NKAIN3: variants seen among roughly 807,000 people sequenced by gnomAD.
NKAIN3 encodes sodium/potassium-transporting ATPase subunit beta-1-interacting protein 3.
A neutral mutation model predicts 30.2 loss-of-function variants in NKAIN3; 25 were observed. The observed-to-expected ratio is 0.83, with a 90% CI of 0.60 to 1.16. NKAIN3 has a LOEUF of 1.16. NKAIN3 is among the 50% of genes most tolerant of loss of function. The pLI is 0.00. For synonymous variants in NKAIN3, 91 were observed against 89.6 expected, an observed-to-expected ratio of 1.02 and a Z score of -0.09; for missense variants, 225 against 254.1, an observed-to-expected ratio of 0.89 and a Z score of 0.78.
chr8:62,376,881 C>A (rs1817100521), intron 1 of NKAIN3, among the ~76,000 whole-genome samples: 1 of 151,834 alleles, frequency 6.6e-6, no homozygotes, highest in African/African-American at 2.4e-5. Context: ...TAGAATCAAC[C>A]CTCCATGGAA....
rs1814480597 is a variant in NKAIN3 at position 62,312,609 on chromosome 8, G to T, written c.54+63482G>T. 2.0e-5 allele frequency among the ~76,000 whole-genome samples: 3 copies of T among 150,990 alleles called. No homozygotes were observed. In the South Asian group the frequency reaches 6.2e-4, roughly 31 times the overall value. ...GAGTCAGGAAGATCTCTTGAGCCCA[G>T]GAGTTTGAGACCAGCGTGGGCAACA... is the stretch of plus-strand genomic sequence containing the variant. On this transcript the variant is annotated intron_variant, in intron 1 of 6. Coordinates refer to ENST00000623646, the MANE Select transcript of NKAIN3 (RefSeq NM_001304533.3).
In NKAIN3 at chr8:62,965,737, A is replaced by G. The variant is rs376642930; in HGVS notation, c.*330A>G. 1 of 984,838 alleles carries G rather than the reference A, an allele frequency of 1.0e-6. No homozygotes were observed. Among genetic ancestry groups the G allele is most frequent in the African/African-American group, 1.7e-5 (1 of 57,230 alleles). 61.0% of individuals were successfully genotyped at this position (984,838 alleles called of 1,614,324 possible). ...AAAACCTTCTACAGTCAATTCTAAG[A>G]GAAATCTCAGTGTGTGCTGTGGAGA... On this transcript the variant is annotated 3_prime_UTR_variant, in exon 7 of 7. Transcript: ENST00000623646.
Position 62,900,492 on chromosome 8 carries a change from C to T in NKAIN3, c.472-17961C>T, listed in dbSNP as rs891859783. The stretch of plus-strand genomic sequence containing the variant: ...AGCAGAGAGGTTAACATCATGGGCT[C>T]CAAAGCCAGAGTGTCCCTACCTAAG... On this transcript the variant is annotated intron_variant, in intron 4 of 6. Transcript: ENST00000623646. Among the ~76,000 whole-genome samples the T allele has an allele frequency of 2.0e-5, 3 of 152,134 alleles. No individual in the cohort carries two copies. The South Asian group carries it at 6.2e-4, about 32-fold the overall frequency.
rs1807289006 is a variant in NKAIN3 at position 62,497,805 on chromosome 8, G to A, written c.55-81734G>A. Reference sequence around the variant, plus strand: ...GTCACTCTCTGGGTTCTAAGCCACAGGGAATTAAGTTTATAAATTTCTGCA... The same window carrying A: ...GTCACTCTCTGGGTTCTAAGCCACAAGGAATTAAGTTTATAAATTTCTGCA... On this transcript the variant is annotated intron_variant, in intron 1 of 6. Transcript: ENST00000623646. Among the ~76,000 whole-genome samples, 3 of 152,038 alleles carry A rather than the reference G, an allele frequency of 2.0e-5. No individual in the cohort carries two copies. In the South Asian group the frequency reaches 6.2e-4, roughly 31 times the overall value.
chr8:62,760,162 T>A (rs1816601879), intron 4 of NKAIN3, among the ~76,000 whole-genome samples: 1 of 152,136 alleles, frequency 6.6e-6, no homozygotes, highest in Non-Finnish European at 1.5e-5. Flanking sequence ...ATAGGAACAC[T>A]TTTACACTGT....
At chr8:62,756,152 A>T (rs1425792615) in intron 4 of NKAIN3, among the ~76,000 whole-genome samples, 2 of 152,188 alleles carry the variant, frequency 1.3e-5, no homozygotes, top group African/African-American at 4.8e-5. Context: ...CTTTCAGTCT[A>T]CTCACAGATA....
At chr8:62,835,597 A>G (rs566276152) in intron 4 of NKAIN3, among the ~76,000 whole-genome samples, 53 of 152,236 alleles carry the variant, frequency 3.5e-4, no homozygotes, top group African/African-American at 1.2e-3. Flanking sequence ...AAATTGCTCA[A>G]TATCATTATT....
At chr8:62,655,210 C>T (rs1812731425) in intron 3 of NKAIN3, among the ~76,000 whole-genome samples, 1 of 152,188 alleles carries the variant, frequency 6.6e-6, no homozygotes, top group African/African-American at 2.4e-5. Flanking sequence ...AGAGGTTCCA[C>T]TCCCTTTCTT....
Position 62,291,190 on chromosome 8 carries a change from C to A in NKAIN3, c.54+42063C>A, listed in dbSNP as rs148559180. Among the ~76,000 whole-genome samples the A allele has an allele frequency of 4.3e-3, 656 of 152,278 alleles. 2 individuals are homozygous for A. The highest frequency in any genetic ancestry group is 0.015 in the African/African-American group (619 of 41,548). On this transcript the variant is annotated intron_variant, in intron 1 of 6. Transcript: ENST00000623646. ...TTTGTTGATCTTTTCAAAAAACCAGCTCCTGGATTCATGGATTTTTCGAAG... is the reference window on the plus strand; with the variant it reads ...TTTGTTGATCTTTTCAAAAAACCAGATCCTGGATTCATGGATTTTTCGAAG...
chr8:62,895,066 C>T (rs1274125602), intron 4 of NKAIN3, among the ~76,000 whole-genome samples: 1 of 152,176 alleles, frequency 6.6e-6, no homozygotes, highest in African/African-American at 2.4e-5. Context: ...GGATACTTTG[C>T]AAGTCCCAAA....
chr8:62,837,886 T>G (rs1563586339), intron 4 of NKAIN3, among the ~76,000 whole-genome samples: 1 of 151,992 alleles, frequency 6.6e-6, no homozygotes, highest in African/African-American at 2.4e-5. Context: ...TGCAATATGC[T>G]TGGGGGCTTG....
rs1326495787 is a variant in NKAIN3, at chr8:62,979,049, G to T, written c.*13642G>T. 1 of 152,784 alleles carries T rather than the reference G, an allele frequency of 6.5e-6. No individual in the cohort carries two copies. Among genetic ancestry groups the T allele is most frequent in the Non-Finnish European group, 1.5e-5 (1 of 68,408 alleles). The allele number at this position is 152,784 out of a possible 1,614,324, so 9.5% of individuals were successfully genotyped here. A position where few individuals can be genotyped will look rare whatever the true frequency, so the allele number is the denominator to read the frequency against. The stretch of plus-strand genomic sequence containing the variant: ...TTGCCCTCCGTGGGCTGCACCCACT[G>T]TCTAACCAGTCCCAGTGAGATGAAC... On this transcript the variant is annotated 3_prime_UTR_variant, in exon 7 of 7. Coordinates refer to ENST00000623646, the MANE Select transcript of NKAIN3 (RefSeq NM_001304533.3).
chr8:62,459,393 T>G (rs1374266840), intron 1 of NKAIN3, among the ~76,000 whole-genome samples: 1 of 152,182 alleles, frequency 6.6e-6, no homozygotes, highest in African/African-American at 2.4e-5. Context: ...CTAGGCCAAG[T>G]GAACAATGAT....
intron 4 of NKAIN3, among the ~76,000 whole-genome samples, chr8:62,883,458 T>TTGTTG (rs779911371): frequency 3.2e-5 from 1 of 31,510 alleles, no homozygotes; most frequent in Non-Finnish European, 5.9e-5. Flanking sequence ...GTTTTATGGG[T>TTGTTG]TTTTTTTTTT....
chr8:62,393,112 C>T (rs1223196479), intron 1 of NKAIN3, among the ~76,000 whole-genome samples: 1 of 151,992 alleles, frequency 6.6e-6, no homozygotes, highest in African/African-American at 2.4e-5. Context: ...CAGAGTATTG[C>T]ATATCCATGA....
intron 1 of NKAIN3, among the ~76,000 whole-genome samples, chr8:62,519,828 G>A (rs921201570): frequency 1.3e-5 from 2 of 152,086 alleles, no homozygotes; most frequent in Non-Finnish European, 2.9e-5. Flanking sequence ...TCTGAATGTA[G>A]CCTTAGAGTA....
At chr8:62,468,029 T>G (rs1806217038) in intron 1 of NKAIN3, among the ~76,000 whole-genome samples, 2 of 152,090 alleles carry the variant, frequency 1.3e-5, no homozygotes, top group Non-Finnish European at 2.9e-5. Context: ...CGCCTCAGAG[T>G]TTTTATTTTT....
At chr8:62,801,806 C>A (rs891651638) in intron 4 of NKAIN3, among the ~76,000 whole-genome samples, 7 of 152,018 alleles carry the variant, frequency 4.6e-5, no homozygotes, top group African/African-American at 1.7e-4. Context: ...AGGCTTCAGA[C>A]AATCAAACTA....
At chr8:62,558,636 G>A (rs1809478937) in intron 1 of NKAIN3, among the ~76,000 whole-genome samples, 1 of 151,746 alleles carries the variant, frequency 6.6e-6, no homozygotes, top group Admixed American at 6.6e-5. Flanking sequence ...TATTACTGGT[G>A]GTATCCTTTT....
Sources: allele counts gnomAD v4.1 joint callset (sites outside exome capture counted in the v4.1 genomes callset), GRCh38; gene constraint gnomAD v4.1.1; transcripts MANE v1.5; gene names NCBI Gene and HGNC (gene_info 2026-07-23, HGNC 2026-07-21).